IFT140: variants seen among roughly 807,000 people sequenced by gnomAD.
The protein encoded by IFT140 is intraflagellar transport 140, also known as intraflagellar transport protein 140 homolog.
In IFT140, 133 loss-of-function variants were observed where a neutral mutation model predicts 164.6. That is an observed-to-expected ratio of 0.81 (90% CI 0.70 to 0.93). The LOEUF is 0.93. Among genes scored for constraint, IFT140 ranks in the 40% least tolerant of loss-of-function variants. IFT140 has a pLI of 0.00. For synonymous variants in IFT140, 860 were observed against 817.3 expected (o/e 1.05, Z -0.89); for missense variants, 2,045 against 1,972.3 (o/e 1.04, Z -0.70).
intron 18 of IFT140, 36 bp from the exon 19 acceptor site, chr16:1,558,170 T>C (rs1056004429): frequency 6.2e-7 from 1 of 1,607,844 alleles, no homozygotes; most frequent in Non-Finnish European, 8.5e-7. Context: ...TGTTAATTCA[T>C]ATGTAAAGCT....
At chr16:1,554,738 C>T in intron 19 of IFT140, 1 of 1,604,994 alleles carries the variant, frequency 6.2e-7, no homozygotes, top group East Asian at 2.2e-5. Context: ...GTGGAACCCG[C>T]CTTCCTCTCA....
chr16:1,588,606 T>C (rs1320529404), intron 7 of IFT140, among the ~76,000 whole-genome samples: 2 of 152,022 alleles, frequency 1.3e-5, no homozygotes, highest in Non-Finnish European at 2.9e-5. Context: ...GGACATGCTC[T>C]GGAGTGATCA....
intron 4 of IFT140, among the ~76,000 whole-genome samples, chr16:1,594,484 G>A (rs550755314): frequency 3.9e-5 from 6 of 152,292 alleles, no homozygotes; most frequent in African/African-American, 1.4e-4. Context: ...GCCTTCCAAA[G>A]TGCTAGGATT....
At chr16:1,549,067 G>A (rs991851356) in intron 19 of IFT140, among the ~76,000 whole-genome samples, 6 of 152,158 alleles carry the variant, frequency 3.9e-5, no homozygotes, top group South Asian at 4.1e-4. Context: ...CGAGGGCAAC[G>A]TCCCGTTTTC....
At chr16:1,557,402 G>T (rs1228357910) in intron 19 of IFT140, among the ~76,000 whole-genome samples, 1 of 152,122 alleles carries the variant, frequency 6.6e-6, no homozygotes, top group Non-Finnish European at 1.5e-5. Flanking sequence ...GGCTTGCTCC[G>T]GCAACCTAAG....
At chr16:1,573,278 G>C (rs2034112584) in intron 13 of IFT140, among the ~76,000 whole-genome samples, 1 of 152,088 alleles carries the variant, frequency 6.6e-6, no homozygotes, top group Non-Finnish European at 1.5e-5. Flanking sequence ...GGCCAGGGCT[G>C]ACACTATTAA....
chr16:1,578,830 G>A (rs1041546094), intron 13 of IFT140, among the ~76,000 whole-genome samples: 2 of 152,174 alleles, frequency 1.3e-5, no homozygotes, highest in African/African-American at 2.4e-5. Flanking sequence ...TCCTGCCTCA[G>A]TCTCCTGAGT....
chr16:1,602,138 A>G, intron 4 of IFT140: 2 of 557,184 alleles, frequency 3.6e-6, no homozygotes, highest in Non-Finnish European at 6.5e-6. Flanking sequence ...ACGTATCTTT[A>G]CGAATGCAGT....
At chr16:1,593,035 G>A (rs892295110) in intron 4 of IFT140, among the ~76,000 whole-genome samples, 3 of 151,320 alleles carry the variant, frequency 2.0e-5, no homozygotes, top group African/African-American at 4.9e-5. Context: ...AGGTGTCCTG[G>A]CAGAGTGACT....
At position 1,592,520 on chromosome 16, in the gene IFT140, G is replaced by A. The variant is rs564988341; in HGVS notation, c.438C>T (p.His146=). 12 of 1,614,248 alleles carry A rather than the reference G, an allele frequency of 7.4e-6. No individual in the cohort carries two copies. The highest frequency in any genetic ancestry group is 6.7e-5 in the African/African-American group (5 of 75,064). The change falls in exon 5 of 31, where the codon CAC becomes CAT. Residue 146 remains histidine, a synonymous_variant. Coordinates refer to ENST00000426508, the MANE Select transcript of IFT140 (RefSeq NM_014714.4). ...AGTGCGTGAGGTGTTTCCCATACTC[G>A]TGTTTCAGCAGAGGCGTCCCTTGCA... ...GRVQGTPLLK[H]EYGKHLTHCI...
rs959545443 is a variant in IFT140 at position 1,531,864 on chromosome 16, G to C, written c.2400-5068C>G. 6.6e-6 allele frequency: 1 copy of C among 152,274 alleles called. No homozygotes were observed. The highest frequency in any genetic ancestry group is 2.4e-5 in the African/African-American group (1 of 41,468). 9.4% of individuals were successfully genotyped at this position (152,274 alleles called of 1,614,324 possible). ...CTCCTCCCCACTCAACCTGAGGAAA[G>C]GACCAGAGCGGGCCGCTGAGACAAT... On this transcript the variant is annotated intron_variant, in intron 19 of 30. Coordinates refer to ENST00000426508, the MANE Select transcript of IFT140 (RefSeq NM_014714.4). This position sits in a 1 kb window ranked among gnomAD's most constrained non-coding sequence, Gnocchi z 4.7.
intron 26 of IFT140, 58 bp downstream of exon 26, chr16:1,523,460 G>C (rs930017952): frequency 7.7e-5 from 119 of 1,554,018 alleles, no homozygotes; most frequent in Non-Finnish European, 1.0e-4. Context: ...TCTGGGGACA[G>C]GAGACCTGAG....
rs1204034086 is a variant in IFT140 at position 1,606,977 on chromosome 16, CATACACGCACACACAGATGCATGT to C, written c.147+119_147+142del. 5.9e-5 allele frequency: 47 copies of C among 797,552 alleles called. 1 individual carries two copies. The East Asian group carries it at 9.6e-4, about 16-fold the overall frequency. The allele number at this position is 797,552 out of a possible 1,614,324, so 49.4% of individuals were successfully genotyped here. On this transcript the variant is annotated intron_variant, in intron 3 of 30. Transcript: ENST00000426508. ...ATATGCGCATACACACACCAATACA[CATACACGCACACACAGATGCATGT>C]ATACACACACACACCCATAGGCACA...
At position 1,520,163 on chromosome 16, in the gene IFT140, G is replaced by C. The variant is rs1205008767; in HGVS notation, c.3841C>G (p.Leu1281Val). 7 of 1,614,102 alleles carry C rather than the reference G, an allele frequency of 4.3e-6. No individual in the cohort carries two copies. In the African/African-American group the frequency reaches 8.0e-5, roughly 18 times the overall value. ...CAAGCGTCATAAAAGCCAGCCAGGA[G>C]GTCCAGGGCCCGCCCCTTGGTGTAG... is the stretch of plus-strand genomic sequence containing the variant. ...GFYTKGRALDLLAGFYDACAQ... is the reference protein window; with the variant it reads ...GFYTKGRALDVLAGFYDACAQ... Residue 1281 changes from leucine to valine, a missense_variant, in exon 28 of 31, where the codon CTC (leucine) becomes GTC (valine). Leu to Val is a conservative substitution (Grantham distance 32). Transcript: ENST00000426508.
chr16:1,599,456 T>C (rs1596455467), intron 4 of IFT140, among the ~76,000 whole-genome samples: 1 of 47,364 alleles, frequency 2.1e-5, no homozygotes, highest in South Asian at 1.0e-3. Flanking sequence ...AGCCGTGCCG[T>C]CCGGGAGGGA....
rs372090617 is a variant in IFT140, at chr16:1,534,431, G to A, written c.2400-7635C>T. On this transcript the variant is annotated intron_variant, in intron 19 of 30. Transcript: ENST00000426508. ...GGCTGTGGAGGTCCTGCTGGCTGGT[G>A]GACAGGACCCGGGGAGGGCCGAGCC... is the stretch of plus-strand genomic sequence containing the variant. The A allele has an allele frequency of 2.5e-6, 4 of 1,612,102 alleles. No homozygotes were observed. The African/African-American group carries it at 4.0e-5, about 16-fold the overall frequency.
rs1366740733 is a variant in IFT140, at chr16:1,518,182, G to T, written c.4182+34C>A. 8 of 1,578,112 alleles carry T rather than the reference G, an allele frequency of 5.1e-6. No individual in the cohort carries two copies. In the African/African-American group the frequency reaches 6.7e-5, roughly 13 times the overall value. On this transcript the variant is annotated intron_variant, in intron 30 of 30. Coordinates refer to ENST00000426508, the MANE Select transcript of IFT140 (RefSeq NM_014714.4). ...CTTCGTTTCAGGAGCCTTGTGTGGC[G>T]GGATGCTGCTAGTGAGCAGCACTCA...
chr16:1,600,697 G>T (rs2035749609), intron 4 of IFT140, among the ~76,000 whole-genome samples: 1 of 152,130 alleles, frequency 6.6e-6, no homozygotes, highest in Non-Finnish European at 1.5e-5. Flanking sequence ...AAAAGCAAGA[G>T]ACATGACAGT....
chr16:1,554,139 T>G, intron 19 of IFT140: 1 of 1,286,900 alleles, frequency 7.8e-7, no homozygotes, highest in Non-Finnish European at 1.0e-6. Flanking sequence ...AGACACCAGA[T>G]ATAGCCAAGG....
Sources: allele counts gnomAD v4.1 joint callset (sites outside exome capture counted in the v4.1 genomes callset), GRCh38; gene constraint gnomAD v4.1.1; non-coding constraint Gnocchi (gnomAD v3.1); transcripts MANE v1.5; gene names NCBI Gene and HGNC (gene_info 2026-07-23, HGNC 2026-07-21).